Variants in THOC1 observed in about 807,000 individuals in gnomAD.
THOC1 encodes the protein THO complex 1.
A neutral mutation model predicts 97.3 loss-of-function variants in THOC1; 29 were observed. The observed-to-expected ratio is 0.30, with a 90% confidence interval of 0.22 to 0.41. The LOEUF (loss-of-function observed/expected upper bound fraction) is 0.41. Among genes scored for constraint, THOC1 ranks in the 10% least tolerant of loss-of-function variants. The probability of loss-of-function intolerance (pLI) is 1.00; values close to 1 mark genes in which losing one functional copy is unlikely to be tolerated. For missense variants in THOC1, 529 were observed against 761.9 expected, an observed-to-expected ratio of 0.69 and a Z score of 3.60; for synonymous variants, 255 against 257.0, an observed-to-expected ratio of 0.99 and a Z score of 0.07.
intron 7 of THOC1, among the ~76,000 whole-genome samples, chr18:257,697 G>A (rs1226888327): frequency 6.6e-6 from 1 of 151,790 alleles, no homozygotes; most frequent in Non-Finnish European, 1.5e-5. Context: ...AAACAGACAG[G>A]AGAAACAGAC....
chr18:239,715 A>C (rs988617936), intron 11 of THOC1, among the ~76,000 whole-genome samples: 1 of 152,250 alleles, frequency 6.6e-6, no homozygotes, highest in African/African-American at 2.4e-5. Context: ...TAAACATGAT[A>C]GAATTGTTTT....
intron 1 of THOC1, 115 bp downstream of exon 1, chr18:267,851 G>A (rs1210314322): frequency 8.2e-6 from 9 of 1,097,856 alleles, no homozygotes; most frequent in East Asian, 6.1e-5. Context: ...AGCGGACGCT[G>A]AGGCGGACAC....
At chr18:247,239 CTATT>C (rs1247901060) in intron 10 of THOC1, among the ~76,000 whole-genome samples, 1 of 152,172 alleles carries the variant, frequency 6.6e-6, no homozygotes, top group Non-Finnish European at 1.5e-5. Flanking sequence ...TGAGAACTAC[CTATT>C]TATCTTAGAT....
At chr18:234,120 A>C (rs374522311) in intron 11 of THOC1, among the ~76,000 whole-genome samples, 33 of 152,344 alleles carry the variant, frequency 2.2e-4, no homozygotes, top group African/African-American at 7.9e-4. Context: ...TTATAAGAAC[A>C]CTATTGATGT....
chr18:237,962 G>A (rs886923291), intron 11 of THOC1, among the ~76,000 whole-genome samples: 4 of 151,980 alleles, frequency 2.6e-5, no homozygotes, highest in South Asian at 2.1e-4. Context: ...TGCCTCCCAG[G>A]TTCAATGGAT....
chr18:252,020 T>C lies in THOC1; in HGVS notation c.677+519A>G, dbSNP rs139439431. Among the ~76,000 whole-genome samples the C allele has an allele frequency of 2.2e-3, 335 of 152,306 alleles. 1 individual carries two copies. The highest frequency in any genetic ancestry group is 7.8e-3 in the African/African-American group (325 of 41,572). ...AACCTAACTTTTGTTTGTTAGCCTA[T>C]GGGAAAATTGATTTCATCATACATC... On this transcript the variant is annotated intron_variant, in intron 9 of 20. Transcript: ENST00000261600.
At chr18:255,664 T>C (rs1393701692) in intron 7 of THOC1, among the ~76,000 whole-genome samples, 1 of 152,194 alleles carries the variant, frequency 6.6e-6, no homozygotes, top group African/African-American at 2.4e-5. Context: ...GCTAAGAATA[T>C]TGATGAAGGT....
chr18:214,579 G>C lies in THOC1; in HGVS notation c.*47C>G. On this transcript the variant is annotated 3_prime_UTR_variant, in exon 21 of 21. Coordinates refer to ENST00000261600, the MANE Select transcript of THOC1 (RefSeq NM_005131.3). ...GTGGACCTCTTATCAAATGCTGCTTGGTAACAAAATCTATCACAGTTTTAA... is the reference window on the plus strand; with the variant it reads ...GTGGACCTCTTATCAAATGCTGCTTCGTAACAAAATCTATCACAGTTTTAA... The C allele has an allele frequency of 6.7e-7, 1 of 1,488,130 alleles. No individual in the cohort carries two copies. Among genetic ancestry groups the C allele is most frequent in the Non-Finnish European group, 9.2e-7 (1 of 1,092,196 alleles). 92.2% of individuals were successfully genotyped at this position (1,488,130 alleles called of 1,614,324 possible). A position where few individuals can be genotyped will look rare whatever the true frequency, so the allele number is the denominator to read the frequency against.
chr18:225,668 A>G (rs1567844526), intron 12 of THOC1: 1 of 372,250 alleles, frequency 2.7e-6, no homozygotes, highest in East Asian at 4.7e-5. Context: ...ACAGAGCAAT[A>G]TATGTTTCCT....
chr18:256,504 G>A (rs1368380332), intron 7 of THOC1, among the ~76,000 whole-genome samples: 2 of 152,184 alleles, frequency 1.3e-5, no homozygotes, highest in East Asian at 3.9e-4. Context: ...AAACAGATGA[G>A]GAGTTGCTTC....
intron 11 of THOC1, among the ~76,000 whole-genome samples, chr18:243,547 T>A (rs4622593): frequency 0.42 from 62,672 of 149,418 alleles, 13,392 homozygotes; most frequent in East Asian, 0.54. Context: ...CAAAAAAAAA[T>A]ATATATATAT....
chr18:215,955 C>G (rs1175224599), intron 19 of THOC1, among the ~76,000 whole-genome samples: 2 of 152,066 alleles, frequency 1.3e-5, no homozygotes, highest in Non-Finnish European at 2.9e-5. Flanking sequence ...CCTGAAGTAT[C>G]ACGAACTTTA....
At chr18:264,267 T>C (rs1912695235) in intron 3 of THOC1, among the ~76,000 whole-genome samples, 175 bp from the exon 4 acceptor site, 1 of 152,204 alleles carries the variant, frequency 6.6e-6, no homozygotes, top group South Asian at 2.1e-4. Flanking sequence ...CAGTAACATA[T>C]AGAATCAATA....
At chr18:260,450 A>G (rs1912568989) in intron 4 of THOC1, 146 bp from the exon 5 acceptor site, 1 of 501,588 alleles carries the variant, frequency 2.0e-6, no homozygotes, top group Middle Eastern at 5.4e-4. Context: ...GAAGCAACCT[A>G]AAAGTCCCCA....
intron 18 of THOC1, 142 bp from the exon 19 acceptor site, chr18:216,775 A>G: frequency 8.5e-7 from 1 of 1,182,370 alleles, no homozygotes; most frequent in Non-Finnish European, 1.1e-6. Context: ...ATTCCTAAAG[A>G]ACTTTTCAGT....
In THOC1 at chr18:254,583, T is replaced by C. The variant is rs79941676; in HGVS notation, c.521-228A>G. Among the ~76,000 whole-genome samples, 17 of 152,206 alleles carry C rather than the reference T, an allele frequency of 1.1e-4. No individual in the cohort carries two copies. Among genetic ancestry groups the C allele is most frequent in the African/African-American group, 1.7e-4 (7 of 41,462 alleles). On this transcript the variant is annotated intron_variant, in intron 7 of 20. Transcript: ENST00000261600. The surrounding 1 kb of genome is among the most constrained non-coding windows in gnomAD (Gnocchi z 4.1). ...ACAGTTTCTTGTTTTTTTAAATAAA[T>C]TGAATGGCAACCCTGCATCGTGCAA...
intron 2 of THOC1, 43 bp downstream of exon 2, chr18:265,414 T>C: frequency 1.3e-6 from 2 of 1,587,818 alleles, no homozygotes; most frequent in Non-Finnish European, 1.7e-6. Flanking sequence ...AGGGTATGTA[T>C]AAAGATTGAG....
chr18:267,850 T>C (rs1912830410), intron 1 of THOC1, 116 bp downstream of exon 1: 2 of 1,089,344 alleles, frequency 1.8e-6, no homozygotes, highest in Non-Finnish European at 2.6e-6. Context: ...GAGCGGACGC[T>C]GAGGCGGACA....
chr18:243,549 T>A lies in THOC1; in HGVS notation c.918+2775A>T, dbSNP rs567919113. 5.7e-3 allele frequency among the ~76,000 whole-genome samples: 870 copies of A among 151,468 alleles called. 3 individuals carry two copies. Among genetic ancestry groups the A allele is most frequent in the African/African-American group, 9.2e-3 (382 of 41,376 alleles). ...CAAAACTCCGTCTCAAAAAAAAATA[T>A]ATATATATATATCAATTAAGACATC... On this transcript the variant is annotated intron_variant, in intron 11 of 20. Transcript: ENST00000261600.
Sources: allele counts gnomAD v4.1 joint callset (sites outside exome capture counted in the v4.1 genomes callset), GRCh38; gene constraint gnomAD v4.1.1; non-coding constraint Gnocchi (gnomAD v3.1); transcripts MANE v1.5; gene names NCBI Gene and HGNC (gene_info 2026-07-23, HGNC 2026-07-21).